The following PID1 variants were observed in gnomAD, a reference collection of about 807,000 sequenced individuals.
The protein encoded by PID1 is phosphotyrosine interaction domain containing 1.
In PID1, 10 loss-of-function variants were observed where a neutral mutation model predicts 19.1. That is an observed-to-expected ratio of 0.52 (90% CI 0.32 to 0.89). PID1 has a LOEUF of 0.89. Ranked by LOEUF, PID1 falls within the 40% of genes least tolerant of loss-of-function variation. The pLI is 0.03. For synonymous variants in PID1, 130 were observed against 116.0 expected, an observed-to-expected ratio of 1.12 and a Z score of -0.78; for missense variants, 248 against 285.3, an observed-to-expected ratio of 0.87 and a Z score of 0.94.
At chr2:229,182,379 T>A (rs920671796) in intron 1 of PID1, among the ~76,000 whole-genome samples, 2 of 152,186 alleles carry the variant, frequency 1.3e-5, no homozygotes, top group Non-Finnish European at 1.5e-5. Context: ...AACCTAAAAC[T>A]GCTCTTACAA....
chr2:229,193,114 G>C (rs1408150522), intron 1 of PID1, among the ~76,000 whole-genome samples: 1 of 152,124 alleles, frequency 6.6e-6, no homozygotes, highest in Non-Finnish European at 1.5e-5. Context: ...CAGGAATATG[G>C]GCAGGGCTCA....
intron 2 of PID1, among the ~76,000 whole-genome samples, chr2:229,052,976 A>T (rs1257670891): frequency 6.6e-6 from 1 of 152,212 alleles, no homozygotes; most frequent in Non-Finnish European, 1.5e-5. Flanking sequence ...GCCATGTACA[A>T]TTATTATGAA....
chr2:229,133,217 A>G (rs903168198), intron 2 of PID1, among the ~76,000 whole-genome samples: 2 of 152,246 alleles, frequency 1.3e-5, no homozygotes, highest in African/African-American at 4.8e-5. Context: ...ATCCGATAAT[A>G]ACTAAATATT....
intron 2 of PID1, among the ~76,000 whole-genome samples, chr2:229,144,188 G>A (rs548679841): frequency 1.6e-4 from 24 of 152,228 alleles, no homozygotes; most frequent in East Asian, 7.7e-4. Flanking sequence ...TCTGGGAGAC[G>A]TGCTCCAGCA....
At chr2:229,093,132 C>CTTTT (rs1011657647) in intron 2 of PID1, among the ~76,000 whole-genome samples, 1 of 57,996 alleles carries the variant, frequency 1.7e-5, no homozygotes, top group African/African-American at 4.6e-5. Flanking sequence ...CTTTCTTTTT[C>CTTTT]TTTTTCTTTT....
At chr2:229,056,140 A>G (rs906874339) in intron 2 of PID1, among the ~76,000 whole-genome samples, 4 of 152,162 alleles carry the variant, frequency 2.6e-5, no homozygotes, top group Non-Finnish European at 5.9e-5. Context: ...GGCTGGTCTC[A>G]AGAATGTTTT....
At chr2:229,163,674 T>TGTGTGTGTGTGTGTGC (rs374622113) in intron 1 of PID1, among the ~76,000 whole-genome samples, 8 of 94,482 alleles carry the variant, frequency 8.5e-5, no homozygotes, top group African/African-American at 2.5e-4. Context: ...TGTGTGTGTG[T>TGTGTGTGTGTGTGTGC]GCGTGTGCGT....
At chr2:229,027,506 A>C (rs1693451599) in intron 2 of PID1, among the ~76,000 whole-genome samples, 1 of 152,190 alleles carries the variant, frequency 6.6e-6, no homozygotes, top group Non-Finnish European at 1.5e-5. Context: ...TGGCACCTGC[A>C]CAGCTATGAC....
chr2:229,205,261 A>G (rs1274805361), intron 1 of PID1, among the ~76,000 whole-genome samples: 2 of 151,704 alleles, frequency 1.3e-5, no homozygotes, highest in Middle Eastern at 3.2e-3. Flanking sequence ...CACATACTAC[A>G]TACACACACA....
chr2:229,159,396 G>C (rs1333142315), intron 1 of PID1, among the ~76,000 whole-genome samples: 3 of 152,178 alleles, frequency 2.0e-5, no homozygotes, highest in Non-Finnish European at 4.4e-5. Context: ...ATAATCAGTT[G>C]ATTTGAAGTA....
At chr2:229,262,817 T>C in intron 1 of PID1, 2 of 1,551,186 alleles carry the variant, frequency 1.3e-6, no homozygotes, top group Middle Eastern at 1.7e-4. Context: ...CCTTGGCTTA[T>C]GATGCCATAA....
chr2:229,164,312 A>G (rs1243122566), intron 1 of PID1, among the ~76,000 whole-genome samples: 4 of 152,222 alleles, frequency 2.6e-5, no homozygotes, highest in Non-Finnish European at 5.9e-5. Context: ...ATGAAAAAAA[A>G]AAAATTCAAG....
At chr2:229,100,870 AG>A (rs1275246379) in intron 2 of PID1, among the ~76,000 whole-genome samples, 1 of 152,232 alleles carries the variant, frequency 6.6e-6, no homozygotes, top group Non-Finnish European at 1.5e-5. Flanking sequence ...CCAGATGCTC[AG>A]GGAAATCTGA....
intron 1 of PID1, among the ~76,000 whole-genome samples, chr2:229,214,325 G>A (rs1381778973): frequency 6.6e-6 from 1 of 152,132 alleles, no homozygotes; most frequent in Non-Finnish European, 1.5e-5. Flanking sequence ...AGAGCCTGGA[G>A]CAGAGGATCC....
intron 2 of PID1, among the ~76,000 whole-genome samples, chr2:229,054,720 G>GTGTGTGTGTGT (rs1491116559): frequency 8.9e-5 from 2 of 22,494 alleles, no homozygotes; most frequent in African/African-American, 1.6e-4. Flanking sequence ...GTGTGTGTGT[G>GTGTGTGTGTGT]GGGGGGGGGG....
intron 2 of PID1, among the ~76,000 whole-genome samples, chr2:229,091,750 GCA>G (rs995921630): frequency 9.2e-5 from 14 of 152,146 alleles, no homozygotes; most frequent in Admixed American, 2.0e-4. Flanking sequence ...ATGAACTGAG[GCA>G]CTCACAAAAA....
At chr2:229,129,544 C>T (rs1689678250) in intron 2 of PID1, among the ~76,000 whole-genome samples, 2 of 152,106 alleles carry the variant, frequency 1.3e-5, no homozygotes. Context: ...ATTTCATTGC[C>T]TGGCAGTTCT....
intron 1 of PID1, among the ~76,000 whole-genome samples, chr2:229,211,175 G>A (rs990859339): frequency 5.3e-5 from 8 of 152,156 alleles, no homozygotes; most frequent in Non-Finnish European, 8.8e-5. Flanking sequence ...GGAGAGGCTG[G>A]TTTAGGGGAA....
intron 1 of PID1, among the ~76,000 whole-genome samples, chr2:229,174,681 C>T (rs1307346070): frequency 2.0e-5 from 3 of 150,330 alleles, no homozygotes; most frequent in South Asian, 4.2e-4. Context: ...TTGCCCCTCC[C>T]CAACCCCAGA....
Sources: gnomAD v4.1 joint callset for allele counts (sites outside exome capture counted in the v4.1 genomes callset) on GRCh38, gnomAD v4.1.1 for gene constraint, MANE v1.5 for transcripts, NCBI Gene and HGNC (gene_info 2026-07-23, HGNC 2026-07-21) for gene names.